LARP1: variants seen among roughly 807,000 people sequenced by gnomAD.
LARP1 encodes La ribonucleoprotein 1, translational regulator.
LARP1 carries 36 observed loss-of-function variants against 122.7 expected under a neutral mutation model. The ratio of observed to expected loss-of-function variants is 0.29; its 90% confidence interval spans 0.22 to 0.39. The LOEUF (loss-of-function observed/expected upper bound fraction) is 0.39, where lower values mean the gene tolerates loss of function less well. LARP1 is among the 10% of genes least tolerant of loss of function. The pLI is 1.00. For missense variants in LARP1, 1,040 were observed against 1,403.6 expected (o/e 0.74, Z 4.14); for synonymous variants, 539 against 528.7 (o/e 1.02, Z -0.27).
chr5:154,746,240 T>C (rs768337942), intron 1 of LARP1, among the ~76,000 whole-genome samples: 47 of 151,912 alleles, frequency 3.1e-4, no homozygotes, highest in Non-Finnish European at 5.9e-5. Flanking sequence ...TTGTCCCTTA[T>C]TGTTTCCACA....
intron 1 of LARP1, among the ~76,000 whole-genome samples, chr5:154,778,443 G>A (rs1304681747): frequency 2.0e-5 from 3 of 152,096 alleles, no homozygotes; most frequent in Non-Finnish European, 2.9e-5. Flanking sequence ...CCATTGCTGA[G>A]CAAAAAATCT....
intron 1 of LARP1, among the ~76,000 whole-genome samples, chr5:154,789,757 T>G (rs1208916447): frequency 6.6e-6 from 1 of 152,194 alleles, no homozygotes; most frequent in Non-Finnish European, 1.5e-5. Context: ...TTGAGTCAAG[T>G]GGGAGCCCAC....
intron 1 of LARP1, chr5:154,685,666 G>C (rs137944664): frequency 2.8e-6 from 1 of 362,342 alleles, no homozygotes; most frequent in Admixed American, 3.8e-5. Flanking sequence ...TCTATACGAT[G>C]CCTTTGTGCA....
In LARP1 at chr5:154,797,221, G is replaced by GTTTTTTTTTTTTTTTT. The variant is rs1158010359; in HGVS notation, c.1377+1916_1377+1931dup. ...GGAGTTATTCTGTTTTGTTGTTGTT[G>GTTTTTTTTTTTTTTTT]TTTTTTTTTTTTTTTTTTTTTTTTT... On this transcript the variant is annotated intron_variant, in intron 8 of 18. Coordinates refer to ENST00000518297, the MANE Select transcript of LARP1 (RefSeq NM_033551.3). Among the ~76,000 whole-genome samples, 8 of 29,782 alleles carry GTTTTTTTTTTTTTTTT rather than the reference G, an allele frequency of 2.7e-4. 1 individual carries two copies. Among genetic ancestry groups the GTTTTTTTTTTTTTTTT allele is most frequent in the East Asian group, 2.4e-3 (2 of 828 alleles). The allele number at this position is 29,782 out of a possible 152,430, so 19.5% of individuals were successfully genotyped here. A position where few individuals can be genotyped will look rare whatever the true frequency, so the allele number is the denominator to read the frequency against.
At chr5:154,727,320 A>G (rs1372597299) in intron 1 of LARP1, among the ~76,000 whole-genome samples, 1 of 152,228 alleles carries the variant, frequency 6.6e-6, no homozygotes, top group Non-Finnish European at 1.5e-5. Flanking sequence ...TGCTGATAGT[A>G]AAAGATAAGG....
chr5:154,788,884 G>A (rs1050283342), intron 1 of LARP1, among the ~76,000 whole-genome samples: 2 of 152,154 alleles, frequency 1.3e-5, no homozygotes, highest in African/African-American at 4.8e-5. Flanking sequence ...GTATGTGTGT[G>A]CATGTGCACA....
At chr5:154,787,343 G>T (rs1007465437) in intron 1 of LARP1, among the ~76,000 whole-genome samples, 3 of 152,182 alleles carry the variant, frequency 2.0e-5, no homozygotes, top group Non-Finnish European at 4.4e-5. Context: ...CAAAGGATTG[G>T]TTTGCATTGG....
intron 1 of LARP1, among the ~76,000 whole-genome samples, chr5:154,779,505 C>CTTTT (rs11339301): frequency 1.6e-5 from 2 of 123,186 alleles, no homozygotes; most frequent in Non-Finnish European, 3.4e-5. Flanking sequence ...TACATTCTCT[C>CTTTT]TTTTTTTTTT....
intron 1 of LARP1, among the ~76,000 whole-genome samples, chr5:154,741,036 A>C (rs1752849823): frequency 6.6e-6 from 1 of 152,098 alleles, no homozygotes; most frequent in Non-Finnish European, 1.5e-5. Flanking sequence ...CTGTGCATGG[A>C]TCATCCTGGA....
At chr5:154,702,756 T>C (rs543863526) in intron 1 of LARP1, among the ~76,000 whole-genome samples, 11 of 152,182 alleles carry the variant, frequency 7.2e-5, no homozygotes, top group African/African-American at 2.2e-4. Flanking sequence ...ACACTATTAC[T>C]TGTAGGCTGA....
chr5:154,816,585 G>A lies in LARP1; in HGVS notation c.*2489G>A, dbSNP rs1307267873. 6.6e-6 allele frequency: 1 copy of A among 152,466 alleles called. No homozygotes were observed. The allele number at this position is 152,466 out of a possible 1,614,324, so 9.4% of individuals were successfully genotyped here. A position where few individuals can be genotyped will look rare whatever the true frequency, so the allele number is the denominator to read the frequency against. Reference sequence around the variant, plus strand: ...TTTTGGTAACATGTTAGGAGTTAATGTTGCAAAGAGTAGTTTACATCTTCA... The same window carrying A: ...TTTTGGTAACATGTTAGGAGTTAATATTGCAAAGAGTAGTTTACATCTTCA... On this transcript the variant is annotated 3_prime_UTR_variant, in exon 19 of 19. Transcript: ENST00000518297.
chr5:154,801,814 T>C (rs1331784397), intron 10 of LARP1, among the ~76,000 whole-genome samples, 193 bp from the exon 11 acceptor site: 1 of 152,224 alleles, frequency 6.6e-6, no homozygotes, highest in Non-Finnish European at 1.5e-5. Flanking sequence ...GAACCTGGAC[T>C]TCTATGAAAC....
Position 154,803,491 on chromosome 5 carries a change from A to T in LARP1, c.2234-49A>T, listed in dbSNP as rs1422188814. On this transcript the variant is annotated intron_variant, in intron 12 of 18. Coordinates refer to ENST00000518297, the MANE Select transcript of LARP1 (RefSeq NM_033551.3). The surrounding 1 kb of genome is among the most constrained non-coding windows in gnomAD (Gnocchi z 4.4). ...TGGACTGGGGGCTATCCTGGGGTGG[A>T]TGCCACAGGCCTTTCCCTGCTTCCT... is the stretch of plus-strand genomic sequence containing the variant. 15 of 1,613,828 alleles carry T rather than the reference A, an allele frequency of 9.3e-6. No homozygotes were observed. Among genetic ancestry groups the T allele is most frequent in the Non-Finnish European group, 1.3e-5 (15 of 1,179,810 alleles).
In LARP1 at chr5:154,803,579, C is replaced by T; in HGVS notation, c.2273C>T (p.Pro758Leu). ...DALANKLFGAPEPSTIARSLP... is the reference protein window; with the variant it reads ...DALANKLFGALEPSTIARSLP... The stretch of plus-strand genomic sequence containing the variant: ...CTGGCCAACAAGTTGTTTGGTGCTC[C>T]TGAGCCCTCCACCATCGCCCGCTCT... Residue 758 changes from proline to leucine, a missense_variant, in exon 13 of 19, where the codon CCT (proline) becomes CTT (leucine). Physicochemically the swap from Pro to Leu is moderately conservative, Grantham distance 98. Transcript: ENST00000518297. The surrounding 1 kb of genome is among the most constrained non-coding windows in gnomAD (Gnocchi z 4.4). 1 of 1,614,178 alleles carries T rather than the reference C, an allele frequency of 6.2e-7. No individual in the cohort carries two copies.
intron 14 of LARP1, 179 bp from the exon 15 acceptor site, chr5:154,805,702 G>A (rs1457895949): frequency 3.1e-6 from 2 of 637,418 alleles, no homozygotes; most frequent in Admixed American, 5.4e-5. Context: ...CTCTCTGAGA[G>A]TTGATGCAGA....
In LARP1 at chr5:154,738,215, A is replaced by G. The variant is rs1467294; in HGVS notation, c.205+25085A>G. Reference sequence around the variant, plus strand: ...CCAGAGGTGCATCTCACCACACTGAATATCACCTTATTGTAGAGCTAGCTG... The same window carrying G: ...CCAGAGGTGCATCTCACCACACTGAGTATCACCTTATTGTAGAGCTAGCTG... On this transcript the variant is annotated intron_variant, in intron 1 of 18. Coordinates refer to the LARP1 transcript ENST00000336314. 6.8e-3 allele frequency among the ~76,000 whole-genome samples: 1,042 copies of G among 152,298 alleles called. 39 individuals carry two copies. The South Asian group carries it at 0.092, about 14-fold the overall frequency.
At chr5:154,737,646 T>A (rs1323163724) in intron 1 of LARP1, among the ~76,000 whole-genome samples, 4 of 152,078 alleles carry the variant, frequency 2.6e-5, no homozygotes, top group Non-Finnish European at 5.9e-5. Context: ...TTTCACCTTG[T>A]TGGTCCGACT....
chr5:154,722,334 A>G (rs541145357), intron 1 of LARP1, among the ~76,000 whole-genome samples: 3 of 152,190 alleles, frequency 2.0e-5, no homozygotes, highest in South Asian at 4.2e-4. Flanking sequence ...GTGCAACACC[A>G]GGGAGCTATG....
intron 1 of LARP1, among the ~76,000 whole-genome samples, chr5:154,725,659 G>C (rs1388762706): frequency 6.6e-6 from 1 of 152,186 alleles, no homozygotes; most frequent in East Asian, 1.9e-4. Context: ...CACGATTCCA[G>C]AGGGATAAGA....
Sources: gnomAD v4.1 joint callset for allele counts (sites outside exome capture counted in the v4.1 genomes callset) on GRCh38, gnomAD v4.1.1 for gene constraint, Gnocchi (gnomAD v3.1) non-coding constraint, MANE v1.5 for transcripts, NCBI Gene and HGNC (gene_info 2026-07-23, HGNC 2026-07-21) for gene names.